ULK2: variants seen among roughly 807,000 people sequenced by gnomAD.
The protein encoded by ULK2 is serine/threonine-protein kinase ULK2.
Under a neutral mutation model 127.5 loss-of-function variants are expected in ULK2, and 76 were observed. That is an observed-to-expected ratio of 0.60 (90% CI 0.50 to 0.72). The LOEUF is 0.72. Among genes scored for constraint, ULK2 ranks in the 30% least tolerant of loss-of-function variants. The pLI is 0.00. For synonymous variants in ULK2, 452 were observed against 461.9 expected, an observed-to-expected ratio of 0.98 and a Z score of 0.28; for missense variants, 1,144 against 1,295.9, an observed-to-expected ratio of 0.88 and a Z score of 1.80.
intron 12 of ULK2, among the ~76,000 whole-genome samples, chr17:19,822,745 T>G (rs942471406): frequency 6.6e-6 from 1 of 151,642 alleles, no homozygotes; most frequent in Non-Finnish European, 1.5e-5. Context: ...GGAGTGCAGT[T>G]GAGCGATCTT....
intron 25 of ULK2, among the ~76,000 whole-genome samples, chr17:19,779,678 A>G (rs1358256450): frequency 6.6e-6 from 1 of 152,132 alleles, no homozygotes; most frequent in Non-Finnish European, 1.5e-5. Context: ...ATTATTTCCA[A>G]TATTAAAACC....
Position 19,772,220 on chromosome 17 carries a change from G to A in ULK2, c.*4129C>T, listed in dbSNP as rs1002582474. On this transcript the variant is annotated 3_prime_UTR_variant, in exon 27 of 27. Transcript: ENST00000395544. ...ATTCACTTTGATCTTTTACCAGTTC[G>A]GCTTCACCTCTTGCACCAAAGCTGT... The A allele has an allele frequency of 2.0e-5, 3 of 152,160 alleles. No homozygotes were observed. Among genetic ancestry groups the A allele is most frequent in the Non-Finnish European group, 2.9e-5 (2 of 68,054 alleles). The allele number at this position is 152,160 out of a possible 1,614,324, so 9.4% of individuals were successfully genotyped here. A position where few individuals can be genotyped will look rare whatever the true frequency, so the allele number is the denominator to read the frequency against.
chr17:19,847,796 C>T (rs1015914863), intron 5 of ULK2, among the ~76,000 whole-genome samples: 1 of 152,208 alleles, frequency 6.6e-6, no homozygotes, highest in Non-Finnish European at 1.5e-5. Flanking sequence ...GATCCACTTG[C>T]CTCAGCTGCC....
At chr17:19,864,325 A>G (rs1567734162) in intron 3 of ULK2, among the ~76,000 whole-genome samples, 1 of 151,926 alleles carries the variant, frequency 6.6e-6, no homozygotes, top group Non-Finnish European at 1.5e-5. Context: ...CACACACAAA[A>G]TTAGCTGGGC....
At chr17:19,828,389 CTT>C (rs2041348124) in intron 10 of ULK2, among the ~76,000 whole-genome samples, 1 of 152,172 alleles carries the variant, frequency 6.6e-6, no homozygotes, top group Non-Finnish European at 1.5e-5. Flanking sequence ...TGGTTTGTAA[CTT>C]CACTTTTTCA....
chr17:19,863,860 AATGCAACTCTACTGC>A lies in ULK2; in HGVS notation c.225+928_225+942del, dbSNP rs1428912854. On this transcript the variant is annotated intron_variant, in intron 3 of 26. Transcript: ENST00000395544. The stretch of plus-strand genomic sequence containing the variant: ...AGAACCTACTTCCCATTCCAAATAA[AATGCAACTCTACTGC>A]ATGCCATAGCATACACAAATATATC... 5.9e-5 allele frequency among the ~76,000 whole-genome samples: 9 copies of A among 152,174 alleles called. No individual in the cohort carries two copies. The East Asian group carries it at 1.5e-3, about 26-fold the overall frequency.
At chr17:19,788,390 C>T (rs917592357) in intron 20 of ULK2, among the ~76,000 whole-genome samples, 1 of 151,742 alleles carries the variant, frequency 6.6e-6, no homozygotes, top group Non-Finnish European at 1.5e-5. Context: ...CACAGTAGGA[C>T]GAGCCCCGGG....
intron 25 of ULK2, among the ~76,000 whole-genome samples, chr17:19,780,149 G>A (rs1351154349): frequency 6.6e-6 from 1 of 151,028 alleles, no homozygotes; most frequent in Non-Finnish European, 1.5e-5. Context: ...ACTCCAGCCT[G>A]GGCGACAGAG....
chr17:19,783,995 G>T lies in ULK2; in HGVS notation c.2252-90C>A, dbSNP rs1308568367. ...TTATTTACTAAACAAACCTGCTGAG[G>T]TGACAAAGGAAAGTTTCGTTAAAAG... On this transcript the variant is annotated intron_variant, in intron 21 of 26. Coordinates refer to ENST00000395544, the MANE Select transcript of ULK2 (RefSeq NM_014683.4). The T allele has an allele frequency of 5.2e-6, 6 of 1,150,668 alleles. No homozygotes were observed. The East Asian group carries it at 1.2e-4, about 24-fold the overall frequency. The allele number at this position is 1,150,668 out of a possible 1,614,324, so 71.3% of individuals were successfully genotyped here. A position where few individuals can be genotyped will look rare whatever the true frequency, so the allele number is the denominator to read the frequency against.
rs1380698047 is a variant in ULK2, at chr17:19,776,140, G to C, written c.*209C>G. 1 of 505,566 alleles carries C rather than the reference G, an allele frequency of 2.0e-6. No individual in the cohort carries two copies. Among genetic ancestry groups the C allele is most frequent in the Non-Finnish European group, 3.5e-6 (1 of 283,928 alleles). 31.3% of individuals were successfully genotyped at this position (505,566 alleles called of 1,614,324 possible). ...TTGCTCCTGCTTCTACAAAGAAAAA[G>C]GGAAAGGGTGATTTTCTCCAATAAG... On this transcript the variant is annotated 3_prime_UTR_variant, in exon 27 of 27. Transcript: ENST00000395544.
intron 13 of ULK2, among the ~76,000 whole-genome samples, chr17:19,815,025 A>T (rs570329257): frequency 6.6e-6 from 1 of 152,290 alleles, no homozygotes; most frequent in Admixed American, 6.5e-5. Flanking sequence ...GAAATGCTTC[A>T]GTGAGCATTT....
chr17:19,824,446 CAAAAAAAAAAAAAAAAAA>C (rs397943235), intron 12 of ULK2, among the ~76,000 whole-genome samples: 1 of 9,886 alleles, frequency 1.0e-4, no homozygotes, highest in Admixed American at 1.7e-3. Context: ...AACTCCATCT[CAAAAAAAAAAAAAAAAAA>C]AAAAAAAAAA....
At chr17:19,805,041 G>GTAAAAA (rs1461700683) in intron 14 of ULK2, among the ~76,000 whole-genome samples, 1 of 45,796 alleles carries the variant, frequency 2.2e-5, no homozygotes, top group Non-Finnish European at 9.3e-5. Flanking sequence ...TATGCATATT[G>GTAAAAA]AGGACTAAGA....
chr17:19,795,931 C>T (rs1371113559), intron 19 of ULK2, among the ~76,000 whole-genome samples, 164 bp downstream of exon 19: 1 of 152,302 alleles, frequency 6.6e-6, no homozygotes, highest in East Asian at 1.9e-4. Context: ...TTACAGGAAG[C>T]ATCTGTGGTT....
At position 19,849,425 on chromosome 17, in the gene ULK2, G is replaced by A. The variant is rs1347117739; in HGVS notation, c.259-20C>T. The stretch of plus-strand genomic sequence containing the variant: ...GCAATACTGACATAGAAAAGAGAAA[G>A]TAATGAAAATAAGGACAGTGATTCA... On this transcript the variant is annotated intron_variant, in intron 4 of 26. Coordinates refer to ENST00000395544, the MANE Select transcript of ULK2 (RefSeq NM_014683.4). The A allele has an allele frequency of 1.3e-6, 2 of 1,598,366 alleles. No individual in the cohort carries two copies. Among genetic ancestry groups the A allele is most frequent in the Middle Eastern group, 3.3e-4 (2 of 6,036 alleles).
At chr17:19,854,112 T>C (rs368442199) in intron 3 of ULK2, among the ~76,000 whole-genome samples, 102 of 152,016 alleles carry the variant, frequency 6.7e-4, no homozygotes, top group African/African-American at 2.3e-3. Context: ...AACCCATCTC[T>C]ACTAAAAACA....
intron 3 of ULK2, among the ~76,000 whole-genome samples, chr17:19,851,167 A>T (rs1025202820): frequency 3.3e-4 from 50 of 149,282 alleles, no homozygotes; most frequent in Non-Finnish European, 6.8e-4. Flanking sequence ...ACCAAAAAAA[A>T]AAAAAAAAAA....
Position 19,867,391 on chromosome 17 carries a change from G to A in ULK2, c.27C>T (p.Tyr9=), listed in dbSNP as rs1286241721. ...CGTGTCCCACGAGATCCCTCTTGCT[G>A]TACTCGAAGTCACCCACCACCTCCA... is the stretch of plus-strand genomic sequence containing the variant. MEVVGDFE[Y]SKRDLVGHGA... Residue 9 remains tyrosine (Y), a synonymous_variant, in exon 1 of 27, where the codon TAC becomes TAT. Transcript: ENST00000395544. The A allele has an allele frequency of 2.2e-5, 35 of 1,601,124 alleles. No individual in the cohort carries two copies. Among genetic ancestry groups the A allele is most frequent in the Non-Finnish European group, 2.9e-5 (34 of 1,175,218 alleles).
At chr17:19,788,645 G>C (rs1263177906) in intron 20 of ULK2, among the ~76,000 whole-genome samples, 1 of 152,114 alleles carries the variant, frequency 6.6e-6, no homozygotes, top group Non-Finnish European at 1.5e-5. Flanking sequence ...CAGTGGGATA[G>C]AGCACCAAGC....
Sources: gnomAD v4.1 joint callset for allele counts (sites outside exome capture counted in the v4.1 genomes callset) on GRCh38, gnomAD v4.1.1 for gene constraint, MANE v1.5 for transcripts, NCBI Gene and HGNC (gene_info 2026-07-23, HGNC 2026-07-21) for gene names.